The following ARHGEF4 variants were observed in gnomAD, a reference collection of about 807,000 sequenced individuals.
ARHGEF4 encodes APC-stimulated guanine nucleotide exchange factor 1.
In ARHGEF4, 119 loss-of-function variants were observed where a neutral mutation model predicts 162.0. The ratio of observed to expected loss-of-function variants is 0.73; its 90% CI spans 0.63 to 0.86. The LOEUF is 0.86. ARHGEF4 is among the 40% of genes least tolerant of loss of function. The pLI, the probability that ARHGEF4 is intolerant of heterozygous loss-of-function variation, is 0.00. For synonymous variants in ARHGEF4, 1,014 were observed against 979.9 expected, an observed-to-expected ratio of 1.03 and a Z score of -0.65; for missense variants, 2,488 against 2,456.0, an observed-to-expected ratio of 1.01 and a Z score of -0.28.
intron 8 of ARHGEF4, among the ~76,000 whole-genome samples, chr2:131,040,710 C>G (rs1008599198): frequency 6.6e-6 from 1 of 152,214 alleles, no homozygotes; most frequent in African/African-American, 2.4e-5. Context: ...GATAGGAGGG[C>G]AGAGGCCTGC....
chr2:130,950,162 T>A (rs1683862459), intron 4 of ARHGEF4, among the ~76,000 whole-genome samples: 2 of 152,210 alleles, frequency 1.3e-5, no homozygotes, highest in Non-Finnish European at 2.9e-5. Context: ...AGTCAGCGCC[T>A]AGAGGCTTGT....
At chr2:130,893,688 A>C (rs949381055) in intron 1 of ARHGEF4, among the ~76,000 whole-genome samples, 3 of 152,188 alleles carry the variant, frequency 2.0e-5, no homozygotes, top group Non-Finnish European at 4.4e-5. Context: ...TCCACAGAGC[A>C]AGAATGGAGT....
chr2:130,906,210 C>T (rs986788102), intron 1 of ARHGEF4, among the ~76,000 whole-genome samples: 7 of 152,190 alleles, frequency 4.6e-5, no homozygotes, highest in Admixed American at 4.6e-4. Context: ...TCAAGAAGAA[C>T]CTGGCTTCTT....
At chr2:130,976,178 T>C (rs937456894) in intron 4 of ARHGEF4, among the ~76,000 whole-genome samples, 2 of 152,074 alleles carry the variant, frequency 1.3e-5, no homozygotes, top group Admixed American at 6.6e-5. Flanking sequence ...TCCTGGAACA[T>C]CCCAGGGTGT....
At position 130,915,745 on chromosome 2, in the gene ARHGEF4, G is replaced by C. The variant is rs908957257; in HGVS notation, c.1799G>C (p.Gly600Ala). 4 of 1,542,874 alleles carry C rather than the reference G, an allele frequency of 2.6e-6. No individual in the cohort carries two copies. The highest frequency in any genetic ancestry group is 2.7e-5 in the African/African-American group (2 of 72,798). ...GCCACGGTGTCTCACTGCGGCCCCG[G>C]GGCTGAGGAGGGTGAACAGGGGCCT... is the stretch of plus-strand genomic sequence containing the variant. ...KAATVSHCGP[G>A]AEEGEQGPGG... The change falls in exon 2 of 14, where the codon GGG (glycine) becomes GCG (alanine). Residue 600 changes from glycine (G) to alanine (A), a missense_variant. This residue lies in a region of ARHGEF4 where 1,642 missense variants were observed against 1,481.5 expected (regional missense o/e 1.11). Coordinates refer to ENST00000409359, the MANE Select transcript of ARHGEF4 (RefSeq NM_001367493.1).
intron 4 of ARHGEF4, among the ~76,000 whole-genome samples, chr2:130,959,632 A>AT (rs1487328991): frequency 3.3e-5 from 5 of 152,236 alleles, no homozygotes; most frequent in Non-Finnish European, 7.3e-5. Context: ...GTGACTGCAT[A>AT]TCTACACATC....
intron 4 of ARHGEF4, among the ~76,000 whole-genome samples, chr2:130,957,718 G>A (rs1684373413): frequency 6.6e-6 from 1 of 151,958 alleles, no homozygotes; most frequent in African/African-American, 2.4e-5. Context: ...TCATGAATGG[G>A]ATTAGTTCCC....
chr2:131,022,527 T>G (rs973667993), intron 4 of ARHGEF4, among the ~76,000 whole-genome samples: 4 of 152,096 alleles, frequency 2.6e-5, no homozygotes, highest in Non-Finnish European at 5.9e-5. Context: ...AAACTTTTGA[T>G]TTTTTACAAA....
At chr2:130,870,259 G>C (rs1284508709) in intron 1 of ARHGEF4, among the ~76,000 whole-genome samples, 1 of 152,206 alleles carries the variant, frequency 6.6e-6, no homozygotes, top group African/African-American at 2.4e-5. Flanking sequence ...GAACAGACGA[G>C]ATGGGACCTA....
At chr2:130,943,316 T>G (rs1026253539) in intron 3 of ARHGEF4, among the ~76,000 whole-genome samples, 1 of 152,204 alleles carries the variant, frequency 6.6e-6, no homozygotes, top group Non-Finnish European at 1.5e-5. Context: ...TTTCACCCTT[T>G]TACTTTCTAC....
chr2:130,973,139 G>A (rs1339047168), intron 4 of ARHGEF4, among the ~76,000 whole-genome samples: 1 of 152,222 alleles, frequency 6.6e-6, no homozygotes, highest in Non-Finnish European at 1.5e-5. Flanking sequence ...TAAAACTGCT[G>A]GCCTACAGGA....
chr2:130,965,480 A>T (rs1201252622), intron 4 of ARHGEF4, among the ~76,000 whole-genome samples: 2 of 152,198 alleles, frequency 1.3e-5, no homozygotes, highest in Non-Finnish European at 2.9e-5. Flanking sequence ...TGCAGCTCTG[A>T]TTCCATCACA....
At chr2:131,030,463 G>A (rs1034460948) in intron 5 of ARHGEF4, among the ~76,000 whole-genome samples, 1 of 152,326 alleles carries the variant, frequency 6.6e-6, no homozygotes, top group South Asian at 2.1e-4. Flanking sequence ...CTGAGCAGAC[G>A]GAGTGTTGCT....
chr2:130,901,228 G>A (rs1046461826), intron 1 of ARHGEF4, among the ~76,000 whole-genome samples: 1 of 152,202 alleles, frequency 6.6e-6, no homozygotes, highest in African/African-American at 2.4e-5. Context: ...TTCTGCTGCT[G>A]GGTGGAGGGC....
intron 4 of ARHGEF4, among the ~76,000 whole-genome samples, chr2:130,994,467 A>G (rs1445257212): frequency 6.6e-6 from 1 of 152,222 alleles, no homozygotes; most frequent in Non-Finnish European, 1.5e-5. Flanking sequence ...GACTTTTAAC[A>G]TCTTCCCAGA....
At chr2:130,942,630 CAG>C (rs1196616776) in intron 3 of ARHGEF4, among the ~76,000 whole-genome samples, 7 of 152,144 alleles carry the variant, frequency 4.6e-5, no homozygotes, top group Non-Finnish European at 8.8e-5. Flanking sequence ...TTGAGTGAAT[CAG>C]AGCACTAGAT....
intron 1 of ARHGEF4, among the ~76,000 whole-genome samples, chr2:130,849,770 G>T (rs535694172): frequency 8.0e-4 from 122 of 152,144 alleles, no homozygotes; most frequent in African/African-American, 2.8e-3. Flanking sequence ...GTTTCACCAC[G>T]TCCAGTCTGG....
chr2:131,041,687 G>A (rs1224030126), intron 9 of ARHGEF4, 128 bp from the exon 10 acceptor site: 5 of 1,326,574 alleles, frequency 3.8e-6, no homozygotes. Context: ...CTGTGCATCT[G>A]ATAGTGAGGA....
rs565693113 is a variant in ARHGEF4 at position 130,914,661 on chromosome 2, C to T, written c.715C>T (p.Arg239Trp). Residue 239 changes from arginine to tryptophan, a missense_variant, in exon 2 of 14, where the codon CGG (arginine) becomes TGG (tryptophan). Arg to Trp is a moderately radical substitution (Grantham distance 101). Around this residue, in one of 6 missense-constraint regions of ARHGEF4, gnomAD observed 1,642 missense variants for 1,481.5 expected, o/e 1.11. Transcript: ENST00000409359. ...CCTTCTCTGGTGCTGTGAACTGGGT[C>T]GGAGTTGGCCACATATCCACAACAG... ...PFLLWCCELGRSWPHIHNRAR... is the reference protein window; with the variant it reads ...PFLLWCCELGWSWPHIHNRAR... 2.2e-5 allele frequency: 30 copies of T among 1,387,906 alleles called. No individual in the cohort carries two copies. The highest frequency in any genetic ancestry group is 2.6e-4 in the Middle Eastern group (1 of 3,774). The allele number at this position is 1,387,906 out of a possible 1,614,324, so 86.0% of individuals were successfully genotyped here.
Sources: allele counts gnomAD v4.1 joint callset (sites outside exome capture counted in the v4.1 genomes callset), GRCh38; gene constraint gnomAD v4.1.1; regional missense constraint gnomAD v4.1.1; transcripts MANE v1.5; gene names NCBI Gene and HGNC (gene_info 2026-07-23, HGNC 2026-07-21).